ESPNL: variants seen among roughly 807,000 people sequenced by gnomAD.
The protein encoded by ESPNL is espin like, also known as espin-like protein.
A neutral mutation model predicts 46.8 loss-of-function variants in ESPNL; 49 were observed. That is an observed-to-expected ratio of 1.05 (90% confidence interval 0.83 to 1.33). The LOEUF is 1.33. Ranked by LOEUF, ESPNL falls within the 40% of genes most tolerant of loss-of-function variation. The probability of loss-of-function intolerance (pLI) is 0.00; values close to 1 mark genes in which losing one functional copy is unlikely to be tolerated. For synonymous variants in ESPNL, 664 were observed against 662.1 expected (o/e 1.00, Z -0.04); for missense variants, 1,540 against 1,436.6 (o/e 1.07, Z -1.16).
At chr2:238,112,029 G>C (rs1691726878) in intron 4 of ESPNL, among the ~76,000 whole-genome samples, 1 of 152,004 alleles carries the variant, frequency 6.6e-6, no homozygotes, top group South Asian at 2.1e-4. Context: ...CTATGAATTA[G>C]GGAGTGTTTC....
At chr2:238,111,215 C>T (rs760055879) in intron 4 of ESPNL, among the ~76,000 whole-genome samples, 12 of 152,114 alleles carry the variant, frequency 7.9e-5, no homozygotes, top group Non-Finnish European at 5.9e-5. Context: ...GCATGAGCTA[C>T]CGTGCCCGGC....
intron 3 of ESPNL, 27 bp downstream of exon 3, chr2:238,104,869 G>A (rs1447144568): frequency 6.9e-7 from 1 of 1,447,242 alleles, no homozygotes; most frequent in African/African-American, 1.4e-5. Context: ...GGTGGGAAGG[G>A]GACATCCAGG....
At position 238,130,294 on chromosome 2, in the gene ESPNL, A is replaced by T; in HGVS notation, c.1580A>T (p.Glu527Val). 2 of 1,607,408 alleles carry T rather than the reference A, an allele frequency of 1.2e-6. No individual in the cohort carries two copies. Among genetic ancestry groups the T allele is most frequent in the Non-Finnish European group, 1.7e-6 (2 of 1,177,524 alleles). The change falls in exon 9 of 9, where the codon GAG (glutamate) becomes GTG (valine). Residue 527 changes from glutamate (E) to valine (V), a missense_variant. Coordinates refer to ENST00000343063, the MANE Select transcript of ESPNL (RefSeq NM_194312.4). ...LQLRRRCQEY[E>V]SELGRLAAEL... ...CTTCGGCGCCGCTGTCAGGAGTATG[A>T]GAGTGAGCTGGGCCGGTTGGCGGCT...
chr2:238,122,531 C>T (rs550165939), intron 5 of ESPNL, among the ~76,000 whole-genome samples: 1 of 152,200 alleles, frequency 6.6e-6, no homozygotes, highest in Admixed American at 6.5e-5. Flanking sequence ...AGTAAGGTCC[C>T]CCAGGCCACA....
chr2:238,105,339 G>T (rs559567340), intron 3 of ESPNL, among the ~76,000 whole-genome samples: 1 of 152,160 alleles, frequency 6.6e-6, no homozygotes, highest in East Asian at 1.9e-4. Context: ...CTTCAAGGGG[G>T]GGCTGGGGAC....
chr2:238,131,369 CTT>C lies in ESPNL; in HGVS notation c.2656_2657del (p.Phe886ArgfsTer76), dbSNP rs1692331096. 6.2e-7 allele frequency: 1 copy of C among 1,602,496 alleles called. No individual in the cohort carries two copies. Among genetic ancestry groups the C allele is most frequent in the East Asian group, 2.3e-5 (1 of 44,414 alleles). Reference protein sequence around the residue: ...KLRHLLCFEVFEHLGTHGWEA... With the variant: ...KLRHLLCFEVXEHLGTHGWEA... ...TGCGCCACCTGCTGTGCTTCGAGGT[CTT>C]CGAGCACCTGGGCACCCACGGCTGG... On this transcript the variant is annotated frameshift_variant, in exon 9 of 9. Coordinates refer to ENST00000343063, the MANE Select transcript of ESPNL (RefSeq NM_194312.4). LOFTEE classifies it low-confidence loss of function (END_TRUNC).
At chr2:238,110,949 CTTT>C (rs5839686) in intron 4 of ESPNL, among the ~76,000 whole-genome samples, 4 of 111,002 alleles carry the variant, frequency 3.6e-5, no homozygotes, top group Admixed American at 2.1e-4. Flanking sequence ...ATTAGTTATT[CTTT>C]TTTTTTTTTT....
intron 2 of ESPNL, among the ~76,000 whole-genome samples, chr2:238,102,632 G>A (rs1390392497): frequency 6.6e-6 from 1 of 152,104 alleles, no homozygotes; most frequent in East Asian, 1.9e-4. Flanking sequence ...TCGTCTCTGG[G>A]GCCCTGTGCC....
intron 4 of ESPNL, among the ~76,000 whole-genome samples, chr2:238,113,938 G>C (rs1400366559): frequency 6.6e-6 from 1 of 152,100 alleles, no homozygotes; most frequent in African/African-American, 2.4e-5. Flanking sequence ...CACCCCCCAG[G>C]CTTTCCTTTT....
chr2:238,130,659 G>C lies in ESPNL; in HGVS notation c.1945G>C (p.Gly649Arg). 2.6e-6 allele frequency: 4 copies of C among 1,561,796 alleles called. No homozygotes were observed. ...SEAQRQIQEW[G>R]VSVRTLRGNF... Reference sequence around the variant, plus strand: ...GGCCCAGCGCCAGATCCAGGAGTGGGGGGTGTCTGTGCGGACGCTGCGGGG... The same window carrying C: ...GGCCCAGCGCCAGATCCAGGAGTGGCGGGTGTCTGTGCGGACGCTGCGGGG... Residue 649 changes from glycine (G) to arginine (R), a missense_variant, in exon 9 of 9, where the codon GGG (glycine) becomes CGG (arginine). Physicochemically the swap from Gly to Arg is moderately radical, Grantham distance 125. Transcript: ENST00000343063.
rs755950330 is a variant in ESPNL, at chr2:238,131,211, G to A, written c.2497G>A (p.Ala833Thr). The A allele has an allele frequency of 1.9e-5, 30 of 1,548,556 alleles. No homozygotes were observed. The East Asian group carries it at 4.4e-4, about 23-fold the overall frequency. Residue 833 changes from alanine to threonine, a missense_variant, in exon 9 of 9, where the codon GCT (alanine) becomes ACT (threonine). Transcript: ENST00000343063. Reference protein sequence around the residue: ...LRRLSRQPRGALSPEQFLPHV... With the variant: ...LRRLSRQPRGTLSPEQFLPHV... Reference sequence around the variant, plus strand: ...GCGGCTGAGCCGGCAGCCCCGCGGGGCTTTGTCCCCCGAGCAGTTCCTGCC... The same window carrying A: ...GCGGCTGAGCCGGCAGCCCCGCGGGACTTTGTCCCCCGAGCAGTTCCTGCC...
rs1046632478 is a variant in ESPNL, at chr2:238,133,178, G to C, written c.*1446G>C. The C allele has an allele frequency of 3.3e-5, 5 of 152,364 alleles. No individual in the cohort carries two copies. Among genetic ancestry groups the C allele is most frequent in the Admixed American group, 6.5e-5 (1 of 15,304 alleles). The allele number at this position is 152,364 out of a possible 1,614,324, so 9.4% of individuals were successfully genotyped here. ...CCCCAAGCCAGTGGCTTTTCCACAAGGGCCTATCCTGCAGCCGGCCCGCTC... is the reference window on the plus strand; with the variant it reads ...CCCCAAGCCAGTGGCTTTTCCACAACGGCCTATCCTGCAGCCGGCCCGCTC... On this transcript the variant is annotated 3_prime_UTR_variant, in exon 9 of 9. Coordinates refer to ENST00000343063, the MANE Select transcript of ESPNL (RefSeq NM_194312.4).
rs774882448 is a variant in ESPNL at position 238,131,437 on chromosome 2, TGGCCGCC to T, written c.2733_2739del (p.Arg912ProfsTer32). 3 of 1,608,920 alleles carry T rather than the reference TGGCCGCC, an allele frequency of 1.9e-6. No individual in the cohort carries two copies. The Admixed American group carries it at 5.0e-5, about 27-fold the overall frequency. On this transcript the variant is annotated frameshift_variant, in exon 9 of 9. Coordinates refer to ENST00000343063, the MANE Select transcript of ESPNL (RefSeq NM_194312.4). LOFTEE classifies it low-confidence loss of function (END_TRUNC). ...TTCCACAAGGCCGTGACCGACGAGG[TGGCCGCC>T]GGCCGCCGGGCCTGGACCGACGGCT...
chr2:238,131,999 G>A lies in ESPNL; in HGVS notation c.*267G>A, dbSNP rs545888058. On this transcript the variant is annotated 3_prime_UTR_variant, in exon 9 of 9. Coordinates refer to ENST00000343063, the MANE Select transcript of ESPNL (RefSeq NM_194312.4). Reference sequence around the variant, plus strand: ...GGCCACCCCAGTCCAGGGCACCTCTGCCCAGCCGGCCCCCGAGACCTGGGA... The same window carrying A: ...GGCCACCCCAGTCCAGGGCACCTCTACCCAGCCGGCCCCCGAGACCTGGGA... 3 of 373,058 alleles carry A rather than the reference G, an allele frequency of 8.0e-6. No homozygotes were observed. The highest frequency in any genetic ancestry group is 1.3e-4 in the South Asian group (2 of 15,490). 23.1% of individuals were successfully genotyped at this position (373,058 alleles called of 1,614,324 possible).
chr2:238,104,515 C>A, intron 2 of ESPNL, 141 bp from the exon 3 acceptor site: 1 of 982,060 alleles, frequency 1.0e-6, no homozygotes, highest in Non-Finnish European at 1.4e-6. Context: ...GAGGGGGGAA[C>A]CCCGCAGCAG....
chr2:238,124,788 C>T (rs1464038015), intron 5 of ESPNL, among the ~76,000 whole-genome samples: 5 of 136,132 alleles, frequency 3.7e-5, no homozygotes, highest in African/African-American at 1.1e-4. Flanking sequence ...CAGGAGAGTA[C>T]GTGCGTGTGT....
chr2:238,110,949 CTTTTTTT>C (rs5839686), intron 4 of ESPNL, among the ~76,000 whole-genome samples: 5 of 111,004 alleles, frequency 4.5e-5, no homozygotes, highest in African/African-American at 1.7e-4. Flanking sequence ...ATTAGTTATT[CTTTTTTT>C]TTTTTTTTTT....
At chr2:238,119,365 GGACGTGGATGA>G (rs1691923571) in intron 5 of ESPNL, among the ~76,000 whole-genome samples, 1 of 147,992 alleles carries the variant, frequency 6.8e-6, no homozygotes, top group African/African-American at 2.5e-5. Flanking sequence ...GGTGGATGAA[GGACGTGGATGA>G]AGGAGTTGGA....
chr2:238,105,681 G>A (rs1032416409), intron 3 of ESPNL, among the ~76,000 whole-genome samples: 2 of 152,074 alleles, frequency 1.3e-5, no homozygotes, highest in Non-Finnish European at 2.9e-5. Flanking sequence ...CATGGGGCCC[G>A]GGGGCGGGCA....
Sources: gnomAD v4.1 joint callset for allele counts (sites outside exome capture counted in the v4.1 genomes callset) on GRCh38, gnomAD v4.1.1 for gene constraint, MANE v1.5 for transcripts, NCBI Gene and HGNC (gene_info 2026-07-23, HGNC 2026-07-21) for gene names.